Variants in ZNF277 observed in about 807,000 individuals in gnomAD.
The protein encoded by ZNF277 is nuclear receptor-interacting factor 4.
Under a neutral mutation model 60.7 loss-of-function variants are expected in ZNF277, and 55 were observed. The observed-to-expected ratio is 0.91, with a 90% CI of 0.73 to 1.13. ZNF277 has a LOEUF of 1.13. Among genes scored for constraint, ZNF277 ranks in the 50% most tolerant of loss-of-function variants. ZNF277 has a pLI of 0.00. For missense variants in ZNF277, 510 were observed against 523.0 expected (o/e 0.98, Z 0.24); for synonymous variants, 178 against 179.3 (o/e 0.99, Z 0.06).
chr7:112,271,206 C>T (rs1218138276), intron 1 of ZNF277, among the ~76,000 whole-genome samples: 2 of 152,202 alleles, frequency 1.3e-5, no homozygotes, highest in East Asian at 1.9e-4. Context: ...CCTATTCTTT[C>T]AGAGATACGA....
intron 2 of ZNF277, among the ~76,000 whole-genome samples, chr7:112,291,688 T>A (rs141846134): frequency 1.3e-5 from 2 of 152,318 alleles, no homozygotes; most frequent in East Asian, 3.9e-4. Context: ...CTCAGTTGAT[T>A]ACAATTTATC....
intron 4 of ZNF277, among the ~76,000 whole-genome samples, chr7:112,316,349 A>G (rs2117108511): frequency 6.6e-6 from 1 of 152,066 alleles, no homozygotes. Flanking sequence ...TCTTGGCTGT[A>G]TAAGTGTCCT....
intron 7 of ZNF277, among the ~76,000 whole-genome samples, chr7:112,330,645 A>G (rs916481422): frequency 6.8e-6 from 1 of 147,852 alleles, no homozygotes; most frequent in Non-Finnish European, 1.5e-5. Context: ...GCTCACTGCA[A>G]CCTCTGCCTC....
At position 112,239,334 on chromosome 7, in the gene ZNF277, G is replaced by A. The variant is rs569169667; in HGVS notation, c.91+32527G>A. Among the ~76,000 whole-genome samples, 3 of 151,888 alleles carry A rather than the reference G, an allele frequency of 2.0e-5. No homozygotes were observed. The East Asian group carries it at 5.8e-4, about 30-fold the overall frequency. ...AAAACCCCCTCGCCCTGAAGGGAAGGACACACGTCTAGCTGGATTTATTAC... is the reference window on the plus strand; with the variant it reads ...AAAACCCCCTCGCCCTGAAGGGAAGAACACACGTCTAGCTGGATTTATTAC... On this transcript the variant is annotated intron_variant, in intron 1 of 11. Transcript: ENST00000361822.
chr7:112,332,749 G>A (rs1048642597), intron 7 of ZNF277, among the ~76,000 whole-genome samples: 46 of 152,156 alleles, frequency 3.0e-4, no homozygotes, highest in African/African-American at 1.0e-3. Context: ...AACAAAAAAC[G>A]AAAACCTAAA....
At chr7:112,248,350 T>TA (rs1268797346) in intron 1 of ZNF277, among the ~76,000 whole-genome samples, 1 of 151,900 alleles carries the variant, frequency 6.6e-6, no homozygotes, top group Non-Finnish European at 1.5e-5. Flanking sequence ...GGTTTTATTT[T>TA]TTTTTTTTCA....
At chr7:112,287,201 C>G in intron 2 of ZNF277, 127 bp downstream of exon 2, 1 of 912,280 alleles carries the variant, frequency 1.1e-6, no homozygotes, top group Non-Finnish European at 1.7e-6. Flanking sequence ...TTCAAGATGC[C>G]AGCTCTAAAA....
chr7:112,296,084 T>C, intron 3 of ZNF277, 127 bp downstream of exon 3: 1 of 1,009,292 alleles, frequency 9.9e-7, no homozygotes, highest in Non-Finnish European at 1.5e-6. Context: ...GTGTTTATTT[T>C]GCCTAACTTG....
At chr7:112,296,931 T>TGAGATGGAGTC (rs1563219797) in intron 4 of ZNF277, among the ~76,000 whole-genome samples, 1 of 84,072 alleles carries the variant, frequency 1.2e-5, no homozygotes, top group African/African-American at 3.8e-5. Flanking sequence ...TTTTTTTTTT[T>TGAGATGGAGTC]TTTTTTTTTT....
chr7:112,248,325 T>G (rs6947391), intron 1 of ZNF277, among the ~76,000 whole-genome samples: 143,380 of 150,872 alleles, frequency 0.95, 68,177 homozygotes, highest in Middle Eastern at 0.98. Flanking sequence ...AGGGGGGCAG[T>G]TCTTATATTT....
At chr7:112,299,710 G>A (rs985786656) in intron 4 of ZNF277, among the ~76,000 whole-genome samples, 2 of 152,134 alleles carry the variant, frequency 1.3e-5, no homozygotes, top group Admixed American at 6.6e-5. Context: ...GATGTATAAT[G>A]TATTCAGTGT....
Position 112,219,273 on chromosome 7 carries a change from G to A in ZNF277, c.91+12466G>A, listed in dbSNP as rs540007194. Among the ~76,000 whole-genome samples the A allele has an allele frequency of 3.0e-4, 46 of 152,208 alleles. No homozygotes were observed. In the East Asian group the frequency reaches 3.3e-3, roughly 11 times the overall value. On this transcript the variant is annotated intron_variant, in intron 1 of 11. Transcript: ENST00000361822. ...TTTAGTTGCCTGTGCTTTTGGGGTC[G>A]TGTACAAAAAATCTTTGGCCAGACT...
At chr7:112,334,709 A>T (rs1347281220) in intron 7 of ZNF277, among the ~76,000 whole-genome samples, 1 of 152,218 alleles carries the variant, frequency 6.6e-6, no homozygotes, top group Non-Finnish European at 1.5e-5. Flanking sequence ...ATTGACAAGC[A>T]ACATTTGCCC....
At chr7:112,259,807 CT>C (rs1791401783) in intron 1 of ZNF277, among the ~76,000 whole-genome samples, 1 of 152,106 alleles carries the variant, frequency 6.6e-6, no homozygotes, top group East Asian at 1.9e-4. Context: ...CTAGCATGCT[CT>C]TTCTAGAAAG....
chr7:112,230,739 C>T (rs1400471314), intron 1 of ZNF277, among the ~76,000 whole-genome samples: 2 of 152,094 alleles, frequency 1.3e-5, no homozygotes, highest in Non-Finnish European at 2.9e-5. Context: ...ATAGCTTTTC[C>T]ATAATTAAAA....
Position 112,277,381 on chromosome 7 carries a change from C to T in ZNF277, c.92-9492C>T, listed in dbSNP as rs144199989. ...ATGGGCGTGAGCCACCACGCCTGGC[C>T]AAGAATCTATTAATATTAAATCAAG... On this transcript the variant is annotated intron_variant, in intron 1 of 11. Coordinates refer to ENST00000361822, the MANE Select transcript of ZNF277 (RefSeq NM_021994.3). Among the ~76,000 whole-genome samples the T allele has an allele frequency of 6.1e-3, 929 of 152,156 alleles. 3 individuals carry two copies. The highest frequency in any genetic ancestry group is 8.7e-3 in the Non-Finnish European group (595 of 68,010).
chr7:112,235,446 G>GCC (rs1186433259), intron 1 of ZNF277, among the ~76,000 whole-genome samples: 2 of 152,000 alleles, frequency 1.3e-5, no homozygotes, highest in East Asian at 3.9e-4. Context: ...TTTTACTATA[G>GCC]CCACCCAAGT....
At chr7:112,231,477 T>G (rs1480289063) in intron 1 of ZNF277, among the ~76,000 whole-genome samples, 1 of 152,060 alleles carries the variant, frequency 6.6e-6, no homozygotes, top group Non-Finnish European at 1.5e-5. Context: ...TCCACTGGAG[T>G]GCTTTTTCAT....
chr7:112,311,109 GT>G (rs1277747592), intron 4 of ZNF277, among the ~76,000 whole-genome samples: 4 of 151,884 alleles, frequency 2.6e-5, no homozygotes, highest in African/African-American at 9.7e-5. Context: ...AAATTGACTG[GT>G]TTTTATAATT....
Sources: allele counts gnomAD v4.1 joint callset (sites outside exome capture counted in the v4.1 genomes callset), GRCh38; gene constraint gnomAD v4.1.1; transcripts MANE v1.5; gene names NCBI Gene and HGNC (gene_info 2026-07-23, HGNC 2026-07-21).